Variants in CHLSN observed in about 807,000 individuals in gnomAD.
CHLSN encodes the protein cholesin.
chr7:1,077,039 C>T, the CHLSN span, among the ~76,000 whole-genome samples: 4 of 152,272 alleles, frequency 2.6e-5, no homozygotes, highest in Admixed American at 1.3e-4. Context: ...GGGCCAGATG[C>T]CAATGCTGGC....
At chr7:1,070,902 ATGC>A in the CHLSN span, among the ~76,000 whole-genome samples, 8 of 144,118 alleles carry the variant, frequency 5.6e-5, no homozygotes, top group East Asian at 2.1e-4. Flanking sequence ...GTGCACACAC[ATGC>A]ACGCACACAC....
the CHLSN span, chr7:989,636 C>G: frequency 3.3e-3 from 515 of 154,098 alleles, 1 homozygote; most frequent in Middle Eastern, 6.6e-3. Context: ...AAAAAATTAA[C>G]CGAGCATGGT....
At chr7:1,012,419 ACCCGCAGGCCCAGCTGTTT>A in the CHLSN span, among the ~76,000 whole-genome samples, 1 of 152,116 alleles carries the variant, frequency 6.6e-6, no homozygotes, top group African/African-American at 2.4e-5. Flanking sequence ...CAAGCCGGGG[ACCCGCAGGCCCAGCTGTTT>A]CCCGCAGGCT....
chr7:1,032,179 G>A, the CHLSN span, among the ~76,000 whole-genome samples: 1 of 152,200 alleles, frequency 6.6e-6, no homozygotes, highest in Admixed American at 6.5e-5. Flanking sequence ...CCCAGATCCA[G>A]AGAACTGCTC....
chr7:1,010,823 A>G, the CHLSN span, among the ~76,000 whole-genome samples: 3 of 152,172 alleles, frequency 2.0e-5, no homozygotes, highest in Non-Finnish European at 2.9e-5. Context: ...GGTGACCATG[A>G]GGTGACCCCA....
the CHLSN span, among the ~76,000 whole-genome samples, chr7:1,041,440 GGGACCTGGGCTCTGCCCAGGGACTCCA>G: frequency 6.6e-6 from 1 of 151,516 alleles, no homozygotes; most frequent in Non-Finnish European, 1.5e-5. Context: ...TGCGGGGAAG[GGGACCTGGGCTCTGCCCAGGGACTCCA>G]CAATTCCTTA....
the CHLSN span, among the ~76,000 whole-genome samples, chr7:1,136,321 T>C: frequency 1.0e-5 from 1 of 100,176 alleles, no homozygotes; most frequent in Non-Finnish European, 1.7e-5. Context: ...TATATAAACA[T>C]AAATATATAA....
chr7:1,028,427 C>G, the CHLSN span: 7 of 985,750 alleles, frequency 7.1e-6, no homozygotes, highest in Non-Finnish European at 8.4e-6. Flanking sequence ...GACCGTGACG[C>G]CAGCGCGCCT....
the CHLSN span, among the ~76,000 whole-genome samples, chr7:1,085,603 C>T: frequency 6.6e-6 from 1 of 151,672 alleles, no homozygotes; most frequent in East Asian, 1.9e-4. Context: ...GAGGCTGAGA[C>T]AGGAGGATCT....
chr7:1,069,444 C>T, the CHLSN span, among the ~76,000 whole-genome samples: 1 of 147,454 alleles, frequency 6.8e-6, no homozygotes, highest in African/African-American at 2.5e-5. Flanking sequence ...CATCTCGGCT[C>T]ACTGCAACCT....
the CHLSN span, among the ~76,000 whole-genome samples, chr7:1,011,330 A>T: frequency 7.4e-6 from 1 of 134,478 alleles, no homozygotes; most frequent in African/African-American, 2.8e-5. Flanking sequence ...CATGCCACAC[A>T]CCCACATACA....
chr7:994,369 C>G, the CHLSN span, among the ~76,000 whole-genome samples: 1 of 152,044 alleles, frequency 6.6e-6, no homozygotes, highest in Non-Finnish European at 1.5e-5. Context: ...CCAGGTTGGT[C>G]AGGCTGGTCT....
the CHLSN span, among the ~76,000 whole-genome samples, chr7:1,087,585 T>C: frequency 3.9e-5 from 6 of 152,230 alleles, no homozygotes; most frequent in African/African-American, 1.4e-4. Flanking sequence ...GTCACGACGC[T>C]CCAACAGTGT....
the CHLSN span, among the ~76,000 whole-genome samples, chr7:1,004,678 C>T: frequency 3.3e-5 from 5 of 152,178 alleles, no homozygotes; most frequent in Non-Finnish European, 5.9e-5. Flanking sequence ...CGGCACTGGG[C>T]GAGGCCTCCT....
At chr7:1,058,769 G>A in the CHLSN span, 65,875 of 511,896 alleles carry the variant, frequency 0.13, 5,020 homozygotes, top group Middle Eastern at 0.22. Flanking sequence ...GTCCACATCC[G>A]CAAAAGCCTC....
chr7:1,131,009 G>A, the CHLSN span, among the ~76,000 whole-genome samples: 5 of 152,148 alleles, frequency 3.3e-5, no homozygotes, highest in African/African-American at 7.2e-5. Context: ...GCAACATAGC[G>A]AGGCTCCACG....
At chr7:1,072,060 G>C in the CHLSN span, among the ~76,000 whole-genome samples, 2 of 152,100 alleles carry the variant, frequency 1.3e-5, no homozygotes, top group African/African-American at 4.8e-5. Flanking sequence ...GCTCAGGATG[G>C]AAGAGCCCTG....
chr7:1,116,339 G>A, the CHLSN span, among the ~76,000 whole-genome samples: 1 of 132,072 alleles, frequency 7.6e-6, no homozygotes, highest in Non-Finnish European at 1.6e-5. Context: ...CAACGCCCAT[G>A]CAGGATGATG....
chr7:1,055,284 C>CA, the CHLSN span: 1 of 471,092 alleles, frequency 2.1e-6, no homozygotes, highest in Non-Finnish European at 4.4e-6. Context: ...CAGAGGAAAA[C>CA]AAGTGCTTGC....
Sources: gnomAD v4.1 joint callset for allele counts (sites outside exome capture counted in the v4.1 genomes callset) on GRCh38, gnomAD v4.1.1 for gene constraint, MANE v1.5 for transcripts, NCBI Gene and HGNC (gene_info 2026-07-23, HGNC 2026-07-21) for gene names.